Variants in TRAPPC9 observed in about 807,000 individuals in gnomAD.
TRAPPC9 encodes the protein trafficking protein particle complex subunit 9, also known as IKK2 binding protein.
TRAPPC9 carries 83 observed loss-of-function variants against 124.0 expected under a neutral mutation model. That is an observed-to-expected ratio of 0.67 (90% CI 0.56 to 0.80). The LOEUF (loss-of-function observed/expected upper bound fraction) is 0.80, where lower values mean the gene tolerates loss of function less well. Ranked by LOEUF, TRAPPC9 falls within the 30% of genes least tolerant of loss-of-function variation. The pLI is 0.00. For missense variants in TRAPPC9, 1,302 were observed against 1,508.3 expected (o/e 0.86, Z 2.27); for synonymous variants, 638 against 617.5 (o/e 1.03, Z -0.49).
At chr8:140,130,884 A>G (rs150328674) in intron 17 of TRAPPC9, among the ~76,000 whole-genome samples, 81 of 152,350 alleles carry the variant, frequency 5.3e-4, no homozygotes, top group African/African-American at 1.8e-3. Flanking sequence ...TGCCAAGCAC[A>G]ATAAATGTTC....
intron 21 of TRAPPC9, among the ~76,000 whole-genome samples, chr8:139,821,075 T>C (rs1825219832): frequency 6.6e-6 from 1 of 152,194 alleles, no homozygotes; most frequent in African/African-American, 2.4e-5. Context: ...AGGAAATGTA[T>C]CTGCAGTAGG....
At chr8:140,176,256 CAACT>C (rs1196615586) in intron 17 of TRAPPC9, among the ~76,000 whole-genome samples, 1 of 152,192 alleles carries the variant, frequency 6.6e-6, no homozygotes. Flanking sequence ...TCCACTTGCA[CAACT>C]AACACGTAGA....
chr8:140,092,336 T>A (rs1170341425), intron 17 of TRAPPC9, among the ~76,000 whole-genome samples: 1 of 151,892 alleles, frequency 6.6e-6, no homozygotes, highest in Non-Finnish European at 1.5e-5. Flanking sequence ...TAGCTGAGAT[T>A]ACAGGCGCCC....
chr8:139,762,366 G>A lies in TRAPPC9; in HGVS notation c.3056-30164C>T, dbSNP rs1041605886. Among the ~76,000 whole-genome samples the A allele has an allele frequency of 5.9e-5, 9 of 152,158 alleles. No homozygotes were observed. In the South Asian group the frequency reaches 8.3e-4, roughly 14 times the overall value. On this transcript the variant is annotated intron_variant, in intron 21 of 22. Coordinates refer to ENST00000438773, the MANE Select transcript of TRAPPC9 (RefSeq NM_001160372.4). The stretch of plus-strand genomic sequence containing the variant: ...ACAGTCACGCACAGCTTAACACTGC[G>A]GATAGGTTCTGAGAAATGCGTCATT...
At chr8:139,739,135 C>G (rs1818394115) in intron 21 of TRAPPC9, among the ~76,000 whole-genome samples, 1 of 152,188 alleles carries the variant, frequency 6.6e-6, no homozygotes, top group Admixed American at 6.5e-5. Flanking sequence ...GGGGTCTCAC[C>G]CTCCACTTTC....
chr8:140,297,811 G>A (rs7341641), intron 11 of TRAPPC9, among the ~76,000 whole-genome samples: 5,063 of 152,290 alleles, frequency 0.033, 278 homozygotes, highest in African/African-American at 0.11. Context: ...ATTTAGTCTC[G>A]ATAGTCAACT....
chr8:140,160,233 T>C (rs911229450), intron 17 of TRAPPC9, among the ~76,000 whole-genome samples: 3 of 152,214 alleles, frequency 2.0e-5, no homozygotes, highest in African/African-American at 7.2e-5. Context: ...GTGAAGACAG[T>C]GTGGCGATCC....
intron 16 of TRAPPC9, among the ~76,000 whole-genome samples, chr8:140,248,604 T>C (rs1385253567): frequency 1.3e-5 from 2 of 152,258 alleles, no homozygotes; most frequent in Non-Finnish European, 2.9e-5. Context: ...TTTTCTATTC[T>C]AGTTGTTCAG....
At chr8:140,439,008 T>C in intron 3 of TRAPPC9, 44 bp downstream of exon 3, 1 of 1,613,402 alleles carries the variant, frequency 6.2e-7, no homozygotes, top group Admixed American at 1.7e-5. Context: ...TAATTAACAG[T>C]TGAAACAATT....
At chr8:140,248,066 C>T (rs1289634571) in intron 16 of TRAPPC9, among the ~76,000 whole-genome samples, 1 of 152,138 alleles carries the variant, frequency 6.6e-6, no homozygotes, top group Non-Finnish European at 1.5e-5. Flanking sequence ...TGGCCATGAT[C>T]CTTTTCTGTT....
At chr8:140,213,777 T>G (rs62529308) in intron 17 of TRAPPC9, among the ~76,000 whole-genome samples, 3,204 of 152,358 alleles carry the variant, frequency 0.021, 47 homozygotes, top group African/African-American at 0.034. Context: ...TGGCCCCGCC[T>G]CCTGGCAAAC....
intron 18 of TRAPPC9, among the ~76,000 whole-genome samples, chr8:139,989,501 G>T (rs955168894): frequency 6.6e-6 from 1 of 152,184 alleles, no homozygotes; most frequent in African/African-American, 2.4e-5. Flanking sequence ...TGAAGTTCTA[G>T]CCAGTAAGGC....
chr8:140,303,707 GCTC>G (rs1438570868), intron 10 of TRAPPC9, among the ~76,000 whole-genome samples: 1 of 152,160 alleles, frequency 6.6e-6, no homozygotes, highest in African/African-American at 2.4e-5. Context: ...ATGTATTTTG[GCTC>G]CTTTTTCATT....
intron 17 of TRAPPC9, among the ~76,000 whole-genome samples, chr8:140,156,060 C>T (rs2061623840): frequency 6.6e-6 from 1 of 152,146 alleles, no homozygotes; most frequent in South Asian, 2.1e-4. Context: ...GTCTTCTTGA[C>T]CTCTCTGAGC....
chr8:140,160,578 A>C (rs1163303742), intron 17 of TRAPPC9, among the ~76,000 whole-genome samples: 1 of 140,356 alleles, frequency 7.1e-6, no homozygotes, highest in Admixed American at 7.5e-5. Flanking sequence ...TCTCACTCAT[A>C]GGTGGGAATT....
At chr8:139,896,420 C>T (rs1170034769) in intron 20 of TRAPPC9, among the ~76,000 whole-genome samples, 4 of 152,214 alleles carry the variant, frequency 2.6e-5, no homozygotes, top group African/African-American at 7.2e-5. Context: ...GTGCTCAACA[C>T]GCATCTTCTC....
At chr8:140,341,117 G>A (rs2067183622) in intron 9 of TRAPPC9, among the ~76,000 whole-genome samples, 2 of 152,158 alleles carry the variant, frequency 1.3e-5, no homozygotes, top group Non-Finnish European at 2.9e-5. Flanking sequence ...TGATTAGGCT[G>A]GGATTAAAAA....
chr8:139,836,506 G>A (rs1826362535), intron 21 of TRAPPC9, among the ~76,000 whole-genome samples: 1 of 152,222 alleles, frequency 6.6e-6, no homozygotes, highest in Non-Finnish European at 1.5e-5. Flanking sequence ...TCGGGAGGGA[G>A]GTAGGGCCCA....
chr8:140,412,345 G>A (rs1264628390), intron 5 of TRAPPC9, among the ~76,000 whole-genome samples: 1 of 152,166 alleles, frequency 6.6e-6, no homozygotes, highest in Non-Finnish European at 1.5e-5. Context: ...AACGAAGATA[G>A]GCTGAGACGA....
Sources: allele counts gnomAD v4.1 joint callset (sites outside exome capture counted in the v4.1 genomes callset), GRCh38; gene constraint gnomAD v4.1.1; transcripts MANE v1.5; gene names NCBI Gene and HGNC (gene_info 2026-07-23, HGNC 2026-07-21).